The following CSMD1 variants were observed in gnomAD, a reference collection of about 807,000 sequenced individuals.
CSMD1 encodes CUB and sushi domain-containing protein 1.
CSMD1 carries 213 observed loss-of-function variants against 417.5 expected under a neutral mutation model. That is an observed-to-expected ratio of 0.51 (90% confidence interval 0.46 to 0.57). The LOEUF is 0.57. Ranked by LOEUF, CSMD1 falls within the 20% of genes least tolerant of loss-of-function variation. The pLI is 0.00. For synonymous variants in CSMD1, 2,862 were observed against 1,736.8 expected (o/e 1.65, Z -16.11); for missense variants, 6,923 against 4,529.7 (o/e 1.53, Z -15.17).
At chr8:4,809,042 C>G (rs1414104068) in intron 1 of CSMD1, among the ~76,000 whole-genome samples, 2 of 152,150 alleles carry the variant, frequency 1.3e-5, no homozygotes, top group Non-Finnish European at 2.9e-5. Flanking sequence ...ACTTTCCAGT[C>G]ACACAGATGA....
intron 2 of CSMD1, among the ~76,000 whole-genome samples, chr8:4,557,540 C>T (rs1449671109): frequency 1.3e-5 from 2 of 150,086 alleles, no homozygotes; most frequent in Non-Finnish European, 1.5e-5. Flanking sequence ...TCTTTAACAA[C>T]GTGAGAATGA....
intron 21 of CSMD1, among the ~76,000 whole-genome samples, chr8:3,354,917 G>T (rs34583326): frequency 5.6e-5 from 8 of 142,060 alleles, no homozygotes; most frequent in South Asian, 2.2e-4. Context: ...CTATAGATAT[G>T]TCTATCTATA....
intron 3 of CSMD1, among the ~76,000 whole-genome samples, chr8:4,035,787 G>C (rs1014439259): frequency 6.6e-6 from 1 of 152,056 alleles, no homozygotes; most frequent in Non-Finnish European, 1.5e-5. Context: ...CTTAATTTAT[G>C]ATTAAAAAAG....
chr8:3,409,286 G>C (rs903507658), intron 13 of CSMD1, 137 bp downstream of exon 13: 7 of 678,862 alleles, frequency 1.0e-5, no homozygotes, highest in Non-Finnish European at 1.6e-5. Flanking sequence ...GTCCTTGCAC[G>C]TTTCCAGTAA....
At chr8:4,728,732 C>G (rs772024022) in intron 1 of CSMD1, among the ~76,000 whole-genome samples, 23 of 151,926 alleles carry the variant, frequency 1.5e-4, no homozygotes, top group South Asian at 6.3e-4. Flanking sequence ...TCAGTAGATG[C>G]TCAATTAATA....
intron 37 of CSMD1, among the ~76,000 whole-genome samples, chr8:3,178,181 C>A (rs999751410): frequency 6.6e-6 from 1 of 152,148 alleles, no homozygotes; most frequent in Non-Finnish European, 1.5e-5. Context: ...GCTACCATTA[C>A]TATTTTACAG....
intron 2 of CSMD1, among the ~76,000 whole-genome samples, chr8:4,550,273 G>A (rs569318518): frequency 4.6e-5 from 7 of 151,138 alleles, no homozygotes; most frequent in African/African-American, 1.7e-4. Flanking sequence ...TGGTTTCACG[G>A]CCAACTTTGA....
intron 10 of CSMD1, among the ~76,000 whole-genome samples, chr8:3,540,732 C>G (rs111633236): frequency 0.03 from 4,535 of 152,198 alleles, 101 homozygotes; most frequent in Non-Finnish European, 0.046. Flanking sequence ...AAGACATGAA[C>G]AGACACTTCT....
intron 22 of CSMD1, among the ~76,000 whole-genome samples, chr8:3,347,581 G>C (rs1412703971): frequency 1.3e-5 from 2 of 152,106 alleles, no homozygotes; most frequent in Non-Finnish European, 2.9e-5. Flanking sequence ...GGTTGGTTTG[G>C]GGATCCTGCA....
intron 2 of CSMD1, among the ~76,000 whole-genome samples, chr8:4,624,178 A>G (rs1024059888): frequency 2.6e-5 from 4 of 152,166 alleles, no homozygotes; most frequent in African/African-American, 9.7e-5. Context: ...TGGCAAATCA[A>G]CTACTGTTCC....
intron 2 of CSMD1, among the ~76,000 whole-genome samples, chr8:4,436,032 TAA>T: frequency 6.6e-6 from 1 of 152,328 alleles, no homozygotes; most frequent in African/African-American, 2.4e-5. Context: ...TGTTAAAATA[TAA>T]GACCCAATCA....
chr8:4,404,627 A>G (rs1377772517), intron 3 of CSMD1, among the ~76,000 whole-genome samples: 1 of 152,146 alleles, frequency 6.6e-6, no homozygotes, highest in African/African-American at 2.4e-5. Context: ...CACCAACCTA[A>G]GTAATGTGAA....
At chr8:4,417,915 G>A (rs377196003) in intron 3 of CSMD1, among the ~76,000 whole-genome samples, 1 of 151,864 alleles carries the variant, frequency 6.6e-6, no homozygotes, top group Non-Finnish European at 1.5e-5. Context: ...TAAAGTATTT[G>A]GTACTTGCAA....
At chr8:4,214,392 G>A (rs1431537770) in intron 3 of CSMD1, among the ~76,000 whole-genome samples, 1 of 152,128 alleles carries the variant, frequency 6.6e-6, no homozygotes, top group Non-Finnish European at 1.5e-5. Context: ...CTGCCTCCTG[G>A]ATTCAATCGA....
chr8:3,499,579 G>A (rs374428686), intron 10 of CSMD1, among the ~76,000 whole-genome samples: 11 of 152,208 alleles, frequency 7.2e-5, no homozygotes, highest in Middle Eastern at 6.8e-3. Context: ...TATCCAGGGT[G>A]CTTGTTGGTA....
chr8:3,893,553 C>T (rs929543392), intron 5 of CSMD1, among the ~76,000 whole-genome samples: 25 of 151,752 alleles, frequency 1.6e-4, no homozygotes, highest in East Asian at 2.0e-4. Flanking sequence ...CAAAGGCAAA[C>T]GCCACTGCTC....
chr8:3,253,914 A>T (rs1047277485), intron 26 of CSMD1, among the ~76,000 whole-genome samples: 2 of 152,176 alleles, frequency 1.3e-5, no homozygotes, highest in African/African-American at 4.8e-5. Context: ...TGATCCTGTC[A>T]TTATGATGTT....
intron 3 of CSMD1, among the ~76,000 whole-genome samples, chr8:4,243,725 C>T (rs946508529): frequency 1.3e-5 from 2 of 152,050 alleles, no homozygotes; most frequent in Non-Finnish European, 2.9e-5. Context: ...TAATCTGAGT[C>T]CACAAAAAAG....
chr8:3,809,572 G>C (rs972356894), intron 5 of CSMD1, among the ~76,000 whole-genome samples: 2 of 152,140 alleles, frequency 1.3e-5, no homozygotes, highest in African/African-American at 2.4e-5. Context: ...GGGAGAGCTT[G>C]TGAAAGTGTA....
Sources: gnomAD v4.1 joint callset for allele counts (sites outside exome capture counted in the v4.1 genomes callset) on GRCh38, gnomAD v4.1.1 for gene constraint, MANE v1.5 for transcripts, NCBI Gene and HGNC (gene_info 2026-07-23, HGNC 2026-07-21) for gene names.